COLEC10: variants seen among roughly 807,000 people sequenced by gnomAD.
The protein encoded by COLEC10 is collectin subfamily member 10.
Under a neutral mutation model 28.4 loss-of-function variants are expected in COLEC10, and 22 were observed. The ratio of observed to expected loss-of-function variants is 0.78; its 90% confidence interval spans 0.55 to 1.11. The LOEUF (loss-of-function observed/expected upper bound fraction) is 1.11, where lower values mean the gene tolerates loss of function less well. Ranked by LOEUF, COLEC10 falls within the 50% of genes least tolerant of loss-of-function variation. The pLI, the probability that COLEC10 is intolerant of heterozygous loss-of-function variation, is 0.00. For synonymous variants in COLEC10, 125 were observed against 116.1 expected (o/e 1.08, Z -0.49); for missense variants, 361 against 344.1 (o/e 1.05, Z -0.39).
chr8:119,071,088 T>A (rs1164303092), intron 1 of COLEC10, among the ~76,000 whole-genome samples: 1 of 151,748 alleles, frequency 6.6e-6, no homozygotes, highest in Non-Finnish European at 1.5e-5. Context: ...GAAAATACAG[T>A]CCCCCAGTCA....
At chr8:119,043,997 T>A (rs1038549489) in intron 2 of COLEC10, among the ~76,000 whole-genome samples, 2 of 152,164 alleles carry the variant, frequency 1.3e-5, no homozygotes, top group Admixed American at 1.3e-4. Context: ...AAAAAATAAA[T>A]AAATAAAACC....
At chr8:118,981,800 T>A in the COLEC10 span, among the ~76,000 whole-genome samples, 1 of 152,102 alleles carries the variant, frequency 6.6e-6, no homozygotes, top group Non-Finnish European at 1.5e-5. Context: ...TAGGCCCAGG[T>A]GATGGGATAA....
At chr8:119,013,588 A>G (rs1484838813) in intron 2 of COLEC10, among the ~76,000 whole-genome samples, 1 of 150,878 alleles carries the variant, frequency 6.6e-6, no homozygotes, top group East Asian at 1.9e-4. Flanking sequence ...GAAGTCTTCA[A>G]CCATAACAGT....
the COLEC10 span, among the ~76,000 whole-genome samples, chr8:118,980,796 T>C: frequency 6.6e-6 from 1 of 152,106 alleles, no homozygotes; most frequent in Non-Finnish European, 1.5e-5. Context: ...GTTTCATTTG[T>C]AGTTTAATAT....
At chr8:119,096,153 A>G (rs990131797) in intron 3 of COLEC10, among the ~76,000 whole-genome samples, 1 of 152,200 alleles carries the variant, frequency 6.6e-6, no homozygotes, top group African/African-American at 2.4e-5. Context: ...TGAGAGACCT[A>G]AATTTGAAAG....
At position 119,108,082 on chromosome 8, in the gene COLEC10, A is replaced by G. The variant is rs1232797639; in HGVS notation, c.*1891A>G. Among the ~76,000 whole-genome samples the G allele has an allele frequency of 6.6e-6, 1 of 152,152 alleles. No homozygotes were observed. The highest frequency in any genetic ancestry group is 2.4e-5 in the African/African-American group (1 of 41,452). ...ATACCATATTCAATTCAGCTTAATA[A>G]TAGGAATTTGTTATATGTTTGACAT... On this transcript the variant is annotated 3_prime_UTR_variant, in exon 6 of 6. Coordinates refer to ENST00000332843, the MANE Select transcript of COLEC10 (RefSeq NM_006438.5).
chr8:119,008,019 C>A (rs1586994787), intron 1 of COLEC10, among the ~76,000 whole-genome samples: 1 of 150,648 alleles, frequency 6.6e-6, no homozygotes, highest in African/African-American at 2.5e-5. Context: ...TATTATTTAA[C>A]TTGATTATTT....
intron 5 of COLEC10, among the ~76,000 whole-genome samples, chr8:119,105,485 G>C (rs967183119): frequency 4.6e-5 from 7 of 152,154 alleles, no homozygotes; most frequent in Admixed American, 2.6e-4. Context: ...TATAGCTAAA[G>C]CATAAACTAT....
the COLEC10 span, among the ~76,000 whole-genome samples, chr8:118,967,065 T>C: frequency 2.0e-4 from 31 of 152,158 alleles, no homozygotes; most frequent in African/African-American, 7.5e-4. Flanking sequence ...TCTGCACTTC[T>C]TTCAGTATTT....
At chr8:119,032,731 C>T (rs1393714947) in intron 2 of COLEC10, among the ~76,000 whole-genome samples, 2 of 152,194 alleles carry the variant, frequency 1.3e-5, no homozygotes, top group African/African-American at 4.8e-5. Context: ...GAAACCCCAT[C>T]TCTACTAAAA....
rs1193623891 is a variant in COLEC10, at chr8:119,034,163, G to A, written n.235+24610G>A. ...AGGAACAGAAAACCAAACACCACATGTTCTCACTCATAAGTGGGAGTTGAA... is the reference window on the plus strand; with the variant it reads ...AGGAACAGAAAACCAAACACCACATATTCTCACTCATAAGTGGGAGTTGAA... On this transcript the variant is annotated intron_variant and non_coding_transcript_variant, in intron 2 of 6. Coordinates refer to the COLEC10 transcript ENST00000521788. Among the ~76,000 whole-genome samples the A allele has an allele frequency of 6.6e-5, 10 of 152,154 alleles. No homozygotes were observed. In the East Asian group the frequency reaches 1.9e-3, roughly 29 times the overall value.
At chr8:119,008,487 T>A (rs1404129577) in intron 1 of COLEC10, among the ~76,000 whole-genome samples, 5 of 149,658 alleles carry the variant, frequency 3.3e-5, no homozygotes, top group Admixed American at 3.3e-4. Flanking sequence ...TTTATTTTTT[T>A]TTTTGCCATC....
chr8:119,096,960 A>G (rs995712125), intron 3 of COLEC10, among the ~76,000 whole-genome samples: 3 of 152,092 alleles, frequency 2.0e-5, no homozygotes, highest in Non-Finnish European at 4.4e-5. Flanking sequence ...CTATCTCAAT[A>G]TGCAAAAAAT....
In COLEC10 at chr8:119,106,415, TGA is replaced by T. The variant is rs1481721867; in HGVS notation, c.*231_*232del. On this transcript the variant is annotated 3_prime_UTR_variant, in exon 6 of 6. Transcript: ENST00000332843. ...ATAACTCGCCAGGTTACATGGGTCTTGAGAGAGAATTTTAATTACTAATTGTG... is the reference window on the plus strand; with the variant it reads ...ATAACTCGCCAGGTTACATGGGTCTTGAGAGAATTTTAATTACTAATTGTG... 54 of 458,336 alleles carry T rather than the reference TGA, an allele frequency of 1.2e-4. No individual in the cohort carries two copies. Among genetic ancestry groups the T allele is most frequent in the Middle Eastern group, 6.0e-4 (1 of 1,666 alleles). 28.4% of individuals were successfully genotyped at this position (458,336 alleles called of 1,614,324 possible). A position where few individuals can be genotyped will look rare whatever the true frequency, so the allele number is the denominator to read the frequency against.
intron 1 of COLEC10, among the ~76,000 whole-genome samples, chr8:118,998,884 T>C (rs1813639338): frequency 6.7e-6 from 1 of 148,258 alleles, no homozygotes; most frequent in Non-Finnish European, 1.5e-5. Flanking sequence ...TTGGATATGC[T>C]TGACTTGATT....
intron 2 of COLEC10, among the ~76,000 whole-genome samples, chr8:119,015,684 T>C (rs559564538): frequency 6.6e-6 from 1 of 152,272 alleles, no homozygotes; most frequent in Non-Finnish European, 1.5e-5. Flanking sequence ...CCTGTGAAAG[T>C]TTCTGCCTCA....
chr8:119,073,969 C>CAT (rs1219914898), intron 1 of COLEC10, among the ~76,000 whole-genome samples: 1 of 132,132 alleles, frequency 7.6e-6, no homozygotes, highest in Non-Finnish European at 1.6e-5. Context: ...CACATATACA[C>CAT]ATATATATAC....
At chr8:119,071,032 T>C (rs997727454) in intron 1 of COLEC10, among the ~76,000 whole-genome samples, 1 of 152,186 alleles carries the variant, frequency 6.6e-6, no homozygotes, top group Non-Finnish European at 1.5e-5. Flanking sequence ...AAGTCCAGTG[T>C]CATTTCATGA....
At chr8:119,064,705 A>G (rs1414847388), upstream of COLEC10, among the ~76,000 whole-genome samples, 2 of 152,234 alleles carry the variant, frequency 1.3e-5, no homozygotes, top group Non-Finnish European at 2.9e-5. Flanking sequence ...GTGTTTGTGA[A>G]AAATTAATGC....
Sources: gnomAD v4.1 joint callset for allele counts (sites outside exome capture counted in the v4.1 genomes callset) on GRCh38, gnomAD v4.1.1 for gene constraint, MANE v1.5 for transcripts, NCBI Gene and HGNC (gene_info 2026-07-23, HGNC 2026-07-21) for gene names.